The following SV2C variants were observed in gnomAD, a reference collection of about 807,000 sequenced individuals.
SV2C encodes the protein synaptic vesicle glycoprotein 2C.
In SV2C, 49 loss-of-function variants were observed where a neutral mutation model predicts 79.7. The ratio of observed to expected loss-of-function variants is 0.61; its 90% CI spans 0.49 to 0.78. The LOEUF is 0.78. Among genes scored for constraint, SV2C ranks in the 30% least tolerant of loss-of-function variants. SV2C has a pLI of 0.00. For missense variants in SV2C, 833 were observed against 912.9 expected, an observed-to-expected ratio of 0.91 and a Z score of 1.13; for synonymous variants, 334 against 333.2, an observed-to-expected ratio of 1.00 and a Z score of -0.03.
intron 4 of SV2C, among the ~76,000 whole-genome samples, chr5:76,271,378 A>C (rs1746849092): frequency 6.6e-6 from 1 of 152,212 alleles, no homozygotes; most frequent in Non-Finnish European, 1.5e-5. Context: ...ACTACCCACA[A>C]AAAACAACCG....
chr5:75,933,537 C>T, the SV2C span, among the ~76,000 whole-genome samples: 3 of 152,268 alleles, frequency 2.0e-5, no homozygotes, highest in African/African-American at 2.4e-5. Flanking sequence ...TCTTTGAAGT[C>T]GCTATTCAAG....
the SV2C span, among the ~76,000 whole-genome samples, chr5:75,949,455 A>G: frequency 6.6e-6 from 1 of 151,966 alleles, no homozygotes; most frequent in Non-Finnish European, 1.5e-5. Flanking sequence ...GTAATTTAAA[A>G]GAGAGATGGT....
rs995604792 is a variant in SV2C at position 76,309,516 on chromosome 5, C to T, written c.2000+7971C>T. Among the ~76,000 whole-genome samples the T allele has an allele frequency of 7.8e-5, 11 of 140,346 alleles. No homozygotes were observed. The Admixed American group carries it at 8.4e-4, about 11-fold the overall frequency. The allele number at this position is 140,346 out of a possible 152,430, so 92.1% of individuals were successfully genotyped here. On this transcript the variant is annotated intron_variant, in intron 12 of 12. Transcript: ENST00000502798. ...TCGGGAGGCTGAGGCAGGAGAATGG[C>T]GTGAACCCGGGAGGCGGAGCTTGCA...
chr5:75,881,553 G>T, the SV2C span, among the ~76,000 whole-genome samples: 9,358 of 152,026 alleles, frequency 0.062, 342 homozygotes, highest in Admixed American at 0.084. Flanking sequence ...TATTCTCTTT[G>T]AAGCAATTGT....
chr5:76,048,325 C>T, the SV2C span, among the ~76,000 whole-genome samples: 197 of 152,284 alleles, frequency 1.3e-3, no homozygotes, highest in Middle Eastern at 0.014. Flanking sequence ...AGATGGATGT[C>T]CCAACTCAAA....
intron 1 of SV2C, among the ~76,000 whole-genome samples, chr5:76,102,758 G>T (rs889768799): frequency 1.3e-5 from 2 of 152,160 alleles, no homozygotes; most frequent in African/African-American, 4.8e-5. Flanking sequence ...GTTTGGCTTA[G>T]ATGGTTTACT....
chr5:75,869,211 T>C, the SV2C span, among the ~76,000 whole-genome samples: 4 of 152,060 alleles, frequency 2.6e-5, no homozygotes, highest in African/African-American at 9.7e-5. Flanking sequence ...AAGTGGGCTC[T>C]TGGGGTCCTG....
At chr5:76,194,830 G>T in intron 2 of SV2C, 89 bp from the exon 3 acceptor site, 1 of 1,454,666 alleles carries the variant, frequency 6.9e-7, no homozygotes, top group African/African-American at 1.4e-5. Flanking sequence ...CAAAATGCTG[G>T]AATGTATTTT....
At chr5:76,026,010 C>G in the SV2C span, among the ~76,000 whole-genome samples, 3 of 152,094 alleles carry the variant, frequency 2.0e-5, no homozygotes, top group Non-Finnish European at 2.9e-5. Flanking sequence ...ACATTTCACC[C>G]AGGATTCTGA....
rs1444540770 is a variant in SV2C, at chr5:76,242,124, C to T, written c.913+32237C>T. ...TCCCTCCTTGCCAGCATCAGCTTTT[C>T]CCTTTTTCCCTTTGGGTACCTTCTC... On this transcript the variant is annotated intron_variant, in intron 4 of 12. Transcript: ENST00000502798. 7 of 1,421,464 alleles carry T rather than the reference C, an allele frequency of 4.9e-6. No individual in the cohort carries two copies. In the Admixed American group the frequency reaches 1.0e-4, roughly 20 times the overall value. The allele number at this position is 1,421,464 out of a possible 1,614,324, so 88.1% of individuals were successfully genotyped here.
chr5:76,153,709 G>A (rs955040529), intron 2 of SV2C, among the ~76,000 whole-genome samples: 2 of 152,272 alleles, frequency 1.3e-5, no homozygotes, highest in Admixed American at 6.5e-5. Flanking sequence ...ATTTAGTAGA[G>A]GCAACCTTAG....
chr5:76,278,895 C>G (rs1244037890), intron 4 of SV2C, among the ~76,000 whole-genome samples: 1 of 152,128 alleles, frequency 6.6e-6, no homozygotes, highest in Non-Finnish European at 1.5e-5. Flanking sequence ...TATGGAGGAC[C>G]AAGAGTGACA....
chr5:76,157,755 A>T (rs187242308), intron 2 of SV2C, among the ~76,000 whole-genome samples: 77 of 151,984 alleles, frequency 5.1e-4, no homozygotes, highest in Non-Finnish European at 9.9e-4. Flanking sequence ...ATAACAAAAG[A>T]TATAAATATG....
intron 4 of SV2C, chr5:76,242,153 C>G: frequency 7.6e-7 from 1 of 1,310,402 alleles, no homozygotes; most frequent in Non-Finnish European, 1.1e-6. Context: ...CCTTCTCTCC[C>G]TTCTTTGCAG....
chr5:76,177,020 C>A (rs6414966), intron 2 of SV2C, among the ~76,000 whole-genome samples: 88,551 of 150,656 alleles, frequency 0.59, 27,923 homozygotes, highest in East Asian at 0.91. Context: ...GAGGCTGAGG[C>A]AGGAGAATGG....
the SV2C span, among the ~76,000 whole-genome samples, chr5:75,924,567 C>A: frequency 6.6e-6 from 1 of 152,136 alleles, no homozygotes; most frequent in Non-Finnish European, 1.5e-5. Context: ...CTACATCTTA[C>A]ATCTTAACTA....
chr5:76,120,677 T>G (rs1748460179), intron 1 of SV2C, among the ~76,000 whole-genome samples: 1 of 150,470 alleles, frequency 6.6e-6, no homozygotes, highest in Admixed American at 6.6e-5. Context: ...TTCATCCATG[T>G]CCCTACAAAG....
At chr5:75,970,646 G>C in the SV2C span, among the ~76,000 whole-genome samples, 1 of 152,148 alleles carries the variant, frequency 6.6e-6, no homozygotes, top group South Asian at 2.1e-4. Context: ...TCTCTGATTA[G>C]ACCAATAATA....
the SV2C span, among the ~76,000 whole-genome samples, chr5:76,038,164 C>T: frequency 1.3e-5 from 2 of 152,212 alleles, no homozygotes; most frequent in South Asian, 4.1e-4. Flanking sequence ...GTGAGATGAA[C>T]CCGGTACCTC....
Sources: allele counts gnomAD v4.1 joint callset (sites outside exome capture counted in the v4.1 genomes callset), GRCh38; gene constraint gnomAD v4.1.1; transcripts MANE v1.5; gene names NCBI Gene and HGNC (gene_info 2026-07-23, HGNC 2026-07-21).